The following FRAS1 variants were observed in gnomAD, a reference collection of about 807,000 sequenced individuals.
The protein encoded by FRAS1 is extracellular matrix organizing protein FRAS1.
In FRAS1, 290 loss-of-function variants were observed where a neutral mutation model predicts 435.2. The ratio of observed to expected loss-of-function variants is 0.67; its 90% CI spans 0.61 to 0.73. FRAS1 has a LOEUF of 0.73. Ranked by LOEUF, FRAS1 falls within the 30% of genes least tolerant of loss-of-function variation. The pLI is 0.00. For synonymous variants in FRAS1, 1,800 were observed against 1,851.0 expected (o/e 0.97, Z 0.71); for missense variants, 4,860 against 5,001.5 (o/e 0.97, Z 0.85).
intron 2 of FRAS1, among the ~76,000 whole-genome samples, chr4:78,234,024 C>CT (rs1343247754): frequency 1.3e-5 from 2 of 152,190 alleles, no homozygotes; most frequent in African/African-American, 4.8e-5. Flanking sequence ...ACAATTGTCC[C>CT]TGTGGTCAGC....
chr4:78,343,116 T>G (rs1438346891), intron 20 of FRAS1, among the ~76,000 whole-genome samples: 2 of 152,186 alleles, frequency 1.3e-5, no homozygotes, highest in Non-Finnish European at 2.9e-5. Flanking sequence ...AATTTGGGAT[T>G]GACTCGGTTA....
chr4:78,469,917 G>C, intron 50 of FRAS1, 61 bp from the exon 51 acceptor site: 2 of 1,227,536 alleles, frequency 1.6e-6, no homozygotes, highest in Non-Finnish European at 2.4e-6. Flanking sequence ...TGTAGGCCCT[G>C]GACCTGACAT....
chr4:78,301,651 C>A (rs554345796), intron 14 of FRAS1, among the ~76,000 whole-genome samples: 2 of 152,178 alleles, frequency 1.3e-5, no homozygotes, highest in East Asian at 3.9e-4. Flanking sequence ...AGGTGGTGAT[C>A]CTGTGGACAC....
At chr4:78,113,769 T>G (rs955390467) in intron 2 of FRAS1, among the ~76,000 whole-genome samples, 37 of 152,110 alleles carry the variant, frequency 2.4e-4, no homozygotes, top group African/African-American at 8.7e-4. Context: ...TTTCTCCCGT[T>G]CTGTAGGTTG....
At chr4:78,402,901 T>C (rs1467370814) in intron 30 of FRAS1, among the ~76,000 whole-genome samples, 3 of 152,202 alleles carry the variant, frequency 2.0e-5, no homozygotes, top group African/African-American at 4.8e-5. Context: ...TTTCTCATGA[T>C]TGGGTTAAGG....
chr4:78,495,903 A>C (rs1281272267), intron 59 of FRAS1, among the ~76,000 whole-genome samples: 5 of 152,160 alleles, frequency 3.3e-5, no homozygotes, highest in Admixed American at 1.3e-4. Context: ...AGGAAAAAAA[A>C]CACAACATTC....
intron 41 of FRAS1, among the ~76,000 whole-genome samples, 179 bp from the exon 42 acceptor site, chr4:78,445,343 G>A (rs1336052095): frequency 6.6e-6 from 1 of 152,204 alleles, no homozygotes; most frequent in African/African-American, 2.4e-5. Context: ...TAGTCAGTGA[G>A]GAAACGGATC....
intron 19 of FRAS1, among the ~76,000 whole-genome samples, chr4:78,336,030 A>G (rs1730159293): frequency 6.6e-6 from 1 of 152,050 alleles, no homozygotes; most frequent in Non-Finnish European, 1.5e-5. Context: ...ATTATATTAC[A>G]TGAATTTCTG....
intron 69 of FRAS1, among the ~76,000 whole-genome samples, chr4:78,525,670 G>GAGCATTCA: frequency 6.6e-6 from 1 of 152,222 alleles, no homozygotes; most frequent in Non-Finnish European, 1.5e-5. Context: ...AAGATTCATA[G>GAGCATTCA]TCCTGTGCTC....
rs745349751 is a variant in FRAS1 at position 78,418,970 on chromosome 4, G to A, written c.4447G>A (p.Val1483Ile). Residue 1483 changes from valine (V) to isoleucine (I), a missense_variant, in exon 33 of 74, where the codon GTT (valine) becomes ATT (isoleucine). Coordinates refer to ENST00000512123, the MANE Select transcript of FRAS1 (RefSeq NM_025074.7). ...HMTAREDGLTVIQPHSLSFIN... is the reference protein window; with the variant it reads ...HMTAREDGLTIIQPHSLSFIN... ...TTAGGCTAGAGAAGATGGCCTGACT[G>A]TTATTCAGCCTCATTCCCTCTCCTT... The A allele has an allele frequency of 1.9e-6, 3 of 1,602,948 alleles. No individual in the cohort carries two copies. The African/African-American group carries it at 4.0e-5, about 22-fold the overall frequency.
chr4:78,116,433 T>C (rs1425957721), intron 2 of FRAS1, among the ~76,000 whole-genome samples: 1 of 152,210 alleles, frequency 6.6e-6, no homozygotes, highest in African/African-American at 2.4e-5. Flanking sequence ...AGTGGGGTGT[T>C]AAAGTTTCCC....
In FRAS1 at chr4:78,167,752, G is replaced by A. The variant is rs148604040; in HGVS notation, c.109-69758G>A. Reference sequence around the variant, plus strand: ...ACTCAGCTGGGCTTTGAACCCCAGCGATCTGAACCTATGCTGTTAACCACC... The same window carrying A: ...ACTCAGCTGGGCTTTGAACCCCAGCAATCTGAACCTATGCTGTTAACCACC... On this transcript the variant is annotated intron_variant, in intron 2 of 73. Transcript: ENST00000512123. Among the ~76,000 whole-genome samples the A allele has an allele frequency of 4.3e-3, 651 of 152,086 alleles. 4 individuals are homozygous for A. The highest frequency in any genetic ancestry group is 7.4e-3 in the Non-Finnish European group (501 of 68,004).
At chr4:78,196,074 C>T (rs1369424399) in intron 2 of FRAS1, among the ~76,000 whole-genome samples, 1 of 151,706 alleles carries the variant, frequency 6.6e-6, no homozygotes, top group Non-Finnish European at 1.5e-5. Flanking sequence ...GTGGCAAGAT[C>T]TCGGCTCATT....
At position 78,194,498 on chromosome 4, in the gene FRAS1, T is replaced by C. The variant is rs998598722; in HGVS notation, c.109-43012T>C. ...TTTTATTCTTTTTTCTCTAAACTTCTCTTCTCGCTTCATTTCATTCATTTG... is the reference window on the plus strand; with the variant it reads ...TTTTATTCTTTTTTCTCTAAACTTCCCTTCTCGCTTCATTTCATTCATTTG... On this transcript the variant is annotated intron_variant, in intron 2 of 73. Coordinates refer to ENST00000512123, the MANE Select transcript of FRAS1 (RefSeq NM_025074.7). Among the ~76,000 whole-genome samples, 3 of 152,332 alleles carry C rather than the reference T, an allele frequency of 2.0e-5. No individual in the cohort carries two copies. In the South Asian group the frequency reaches 6.2e-4, roughly 32 times the overall value.
chr4:78,141,216 C>T (rs951860614), intron 2 of FRAS1, among the ~76,000 whole-genome samples: 14 of 152,216 alleles, frequency 9.2e-5, no homozygotes, highest in African/African-American at 2.2e-4. Context: ...CCCTGACAGG[C>T]GCCAGTGTGT....
rs11732056 is a variant in FRAS1, at chr4:78,513,812, T to G, written c.10174+260T>G. The stretch of plus-strand genomic sequence containing the variant: ...TAGTTTGACCTTTCTGAGCCACTGT[T>G]GTCTATAAAGTGGGAATAACAATTG... On this transcript the variant is annotated intron_variant, in intron 65 of 73. Coordinates refer to ENST00000512123, the MANE Select transcript of FRAS1 (RefSeq NM_025074.7). Among the ~76,000 whole-genome samples, 6 of 152,336 alleles carry G rather than the reference T, an allele frequency of 3.9e-5. No individual in the cohort carries two copies. In the East Asian group the frequency reaches 9.6e-4, roughly 24 times the overall value.
At chr4:78,305,479 A>G (rs1460698818) in intron 14 of FRAS1, among the ~76,000 whole-genome samples, 1 of 149,826 alleles carries the variant, frequency 6.7e-6, no homozygotes, top group Non-Finnish European at 1.5e-5. Flanking sequence ...GTCTCCCATT[A>G]TTATTGTGTG....
chr4:78,276,720 C>T (rs918295137), intron 9 of FRAS1, among the ~76,000 whole-genome samples: 1 of 152,214 alleles, frequency 6.6e-6, no homozygotes, highest in Admixed American at 6.5e-5. Context: ...TGTCAGTCTG[C>T]CCCTACTGGA....
intron 2 of FRAS1, among the ~76,000 whole-genome samples, chr4:78,201,050 TG>T (rs1447418611): frequency 2.6e-5 from 4 of 152,092 alleles, no homozygotes; most frequent in Non-Finnish European, 5.9e-5. Flanking sequence ...ATTTGAACTT[TG>T]TTCATACTTT....
Sources: allele counts gnomAD v4.1 joint callset (sites outside exome capture counted in the v4.1 genomes callset), GRCh38; gene constraint gnomAD v4.1.1; transcripts MANE v1.5; gene names NCBI Gene and HGNC (gene_info 2026-07-23, HGNC 2026-07-21).